The following ADGRL3 variants were observed in gnomAD, a reference collection of about 807,000 sequenced individuals.
ADGRL3 encodes calcium-independent alpha-latrotoxin receptor 3.
A neutral mutation model predicts 153.5 loss-of-function variants in ADGRL3; 62 were observed. That is an observed-to-expected ratio of 0.40 (90% CI 0.33 to 0.50). The LOEUF is 0.50. ADGRL3 is among the 20% of genes least tolerant of loss of function. ADGRL3 has a pLI of 0.47. For synonymous variants in ADGRL3, 710 were observed against 672.5 expected, an observed-to-expected ratio of 1.06 and a Z score of -0.86; for missense variants, 1,641 against 1,859.4, an observed-to-expected ratio of 0.88 and a Z score of 2.16.
At chr4:61,256,190 C>G (rs1371282160) in intron 1 of ADGRL3, among the ~76,000 whole-genome samples, 1 of 152,182 alleles carries the variant, frequency 6.6e-6, no homozygotes, top group Non-Finnish European at 1.5e-5. Flanking sequence ...TCTTTTCAAT[C>G]AGGTGGCCAT....
intron 3 of ADGRL3, among the ~76,000 whole-genome samples, chr4:61,514,423 A>C (rs2098480539): frequency 6.6e-6 from 1 of 152,222 alleles, no homozygotes; most frequent in African/African-American, 2.4e-5. Context: ...TTTGTATAAT[A>C]GCTTCAGGAA....
chr4:61,718,866 T>G (rs992047007), intron 6 of ADGRL3, among the ~76,000 whole-genome samples: 3 of 152,168 alleles, frequency 2.0e-5, no homozygotes, highest in Non-Finnish European at 2.9e-5. Flanking sequence ...CAAAGAATAA[T>G]GTGGTCATTT....
chr4:61,706,367 A>G (rs912506921), intron 6 of ADGRL3, among the ~76,000 whole-genome samples: 5 of 150,434 alleles, frequency 3.3e-5, no homozygotes, highest in African/African-American at 1.2e-4. Flanking sequence ...GGTTGCAGTG[A>G]GCCGAGATTG....
Position 61,517,469 on chromosome 4 carries a change from C to G in ADGRL3, c.210C>G (p.Thr70=). ...GTGGACAAGGGCCCCGTGGAGCTAC[C>G]AGAGGAGTTCGCGGTCCAGGTGCCC... ...AHRGQGPRGA[T]RGVRGPGAQG... Residue 70 remains threonine (T), a synonymous_variant, in exon 4 of 27, where the codon ACC becomes ACG. Coordinates refer to ENST00000683033, the MANE Select transcript of ADGRL3 (RefSeq NM_001387552.1). 1.3e-6 allele frequency: 1 copy of G among 767,394 alleles called. No individual in the cohort carries two copies. The highest frequency in any genetic ancestry group is 2.3e-6 in the Non-Finnish European group (1 of 444,210). The allele number at this position is 767,394 out of a possible 1,614,324, so 47.5% of individuals were successfully genotyped here. A position where few individuals can be genotyped will look rare whatever the true frequency, so the allele number is the denominator to read the frequency against.
chr4:61,809,249 A>G (rs1366172660), intron 8 of ADGRL3, among the ~76,000 whole-genome samples: 3 of 152,158 alleles, frequency 2.0e-5, no homozygotes, highest in Non-Finnish European at 4.4e-5. Flanking sequence ...ATGTGGTTTT[A>G]CTTAAAGAAG....
intron 8 of ADGRL3, among the ~76,000 whole-genome samples, chr4:61,743,840 G>A (rs1370283158): frequency 4.6e-5 from 7 of 152,226 alleles, no homozygotes; most frequent in Non-Finnish European, 7.3e-5. Context: ...CATCTCACTA[G>A]GGAGTGCCAG....
chr4:61,658,057 T>C (rs572182093), intron 5 of ADGRL3, among the ~76,000 whole-genome samples: 1 of 152,286 alleles, frequency 6.6e-6, no homozygotes, highest in South Asian at 2.1e-4. Context: ...CTAAAGTCAG[T>C]CCACCATAAT....
chr4:61,923,709 T>A (rs1174317800), intron 13 of ADGRL3, among the ~76,000 whole-genome samples: 1 of 152,196 alleles, frequency 6.6e-6, no homozygotes, highest in Non-Finnish European at 1.5e-5. Flanking sequence ...AAAGAAGCAT[T>A]CTTTGTCCCA....
chr4:62,016,342 C>T (rs756184457), intron 21 of ADGRL3, among the ~76,000 whole-genome samples: 19 of 152,102 alleles, frequency 1.2e-4, no homozygotes, highest in Admixed American at 1.1e-3. Context: ...CCACCACGCC[C>T]GTCCTTTTAT....
chr4:61,898,279 CCTT>C (rs2098643219), intron 11 of ADGRL3, among the ~76,000 whole-genome samples: 2 of 152,058 alleles, frequency 1.3e-5, no homozygotes, highest in Non-Finnish European at 2.9e-5. Flanking sequence ...CTTCTCTCAC[CCTT>C]CTTCTTTTTC....
At chr4:61,892,259 T>A (rs2098594199) in intron 9 of ADGRL3, among the ~76,000 whole-genome samples, 1 of 152,052 alleles carries the variant, frequency 6.6e-6, no homozygotes, top group Admixed American at 6.5e-5. Context: ...AAATAAAATT[T>A]TATATATAGT....
intron 6 of ADGRL3, among the ~76,000 whole-genome samples, chr4:61,694,585 G>A (rs1290111955): frequency 1.3e-5 from 2 of 152,084 alleles, no homozygotes; most frequent in East Asian, 3.9e-4. Flanking sequence ...CCTTTTTGCT[G>A]GTGGAGGATC....
intron 5 of ADGRL3, among the ~76,000 whole-genome samples, chr4:61,614,583 G>T (rs1315625247): frequency 6.6e-6 from 1 of 151,958 alleles, no homozygotes. Context: ...CAGAATAAAG[G>T]TAAATGTATC....
intron 1 of ADGRL3, among the ~76,000 whole-genome samples, chr4:61,273,973 T>G (rs898354772): frequency 2.0e-5 from 3 of 152,186 alleles, no homozygotes; most frequent in Non-Finnish European, 2.9e-5. Flanking sequence ...CAATAAAGAC[T>G]CTATTGTCTT....
At chr4:61,316,353 A>G (rs957999023) in intron 1 of ADGRL3, among the ~76,000 whole-genome samples, 12 of 152,198 alleles carry the variant, frequency 7.9e-5, no homozygotes, top group Non-Finnish European at 1.3e-4. Flanking sequence ...GACAAAAATT[A>G]GGAAGACAGG....
chr4:61,642,312 C>T (rs1327143214), intron 5 of ADGRL3, among the ~76,000 whole-genome samples: 2 of 152,120 alleles, frequency 1.3e-5, no homozygotes, highest in Non-Finnish European at 2.9e-5. Flanking sequence ...TTTGTCAATT[C>T]TGGCTTTGGT....
intron 8 of ADGRL3, among the ~76,000 whole-genome samples, chr4:61,777,100 C>T (rs755042595): frequency 2.0e-5 from 3 of 152,042 alleles, no homozygotes; most frequent in Non-Finnish European, 4.4e-5. Context: ...TTTGGGAGGC[C>T]GAGGTGGGTG....
At chr4:61,585,723 C>T (rs1335856041) in intron 4 of ADGRL3, among the ~76,000 whole-genome samples, 2 of 151,958 alleles carry the variant, frequency 1.3e-5, no homozygotes, top group African/African-American at 4.8e-5. Flanking sequence ...GTTATCATAA[C>T]TTAACATTTG....
chr4:61,530,824 G>A (rs774001809), intron 4 of ADGRL3, among the ~76,000 whole-genome samples: 24 of 152,088 alleles, frequency 1.6e-4, no homozygotes, highest in African/African-American at 2.4e-4. Context: ...GGCAGTTTAC[G>A]GAAATTAGTA....
Sources: allele counts gnomAD v4.1 joint callset (sites outside exome capture counted in the v4.1 genomes callset), GRCh38; gene constraint gnomAD v4.1.1; transcripts MANE v1.5; gene names NCBI Gene and HGNC (gene_info 2026-07-23, HGNC 2026-07-21).